SYNC: variants seen among roughly 807,000 people sequenced by gnomAD.
SYNC encodes syncoilin, intermediate filament protein, also known as syncoilin.
A neutral mutation model predicts 49.5 loss-of-function variants in SYNC; 38 were observed. That is an observed-to-expected ratio of 0.77 (90% CI 0.59 to 1.01). The LOEUF (loss-of-function observed/expected upper bound fraction) is 1.01. Ranked by LOEUF, SYNC falls within the 50% of genes least tolerant of loss-of-function variation. The probability of loss-of-function intolerance (pLI) is 0.00; values close to 1 mark genes in which losing one functional copy is unlikely to be tolerated. For synonymous variants in SYNC, 201 were observed against 230.8 expected, an observed-to-expected ratio of 0.87 and a Z score of 1.17; for missense variants, 579 against 580.6, an observed-to-expected ratio of 1.00 and a Z score of 0.03.
rs796837988 is a variant in SYNC at position 32,689,941 on chromosome 1, A to C, written c.1233+4924T>G. 2.0e-3 allele frequency among the ~76,000 whole-genome samples: 15 copies of C among 7,542 alleles called. No individual in the cohort carries two copies. In the Non-Finnish European group the frequency reaches 0.022, roughly 11 times the overall value. The allele number at this position is 7,542 out of a possible 152,430, so 4.9% of individuals were successfully genotyped here. A position where few individuals can be genotyped will look rare whatever the true frequency, so the allele number is the denominator to read the frequency against. ...AGCAACAGAGTGAGACACCGTCACA[A>C]AAAAAAAAAAAAAAAAGTAAGTTGA... is the stretch of plus-strand genomic sequence containing the variant. On this transcript the variant is annotated intron_variant, in intron 2 of 4. Coordinates refer to ENST00000409190, the MANE Select transcript of SYNC (RefSeq NM_030786.3).
chr1:32,702,298 A>G lies in SYNC; in HGVS notation c.53+310T>C, dbSNP rs1650698161. Among the ~76,000 whole-genome samples the G allele has an allele frequency of 1.3e-5, 2 of 152,214 alleles. No individual in the cohort carries two copies. Among genetic ancestry groups the G allele is most frequent in the Non-Finnish European group, 2.9e-5 (2 of 68,046 alleles). On this transcript the variant is annotated intron_variant, in intron 1 of 4. Transcript: ENST00000409190. The surrounding 1 kb of genome is among the most constrained non-coding windows in gnomAD (Gnocchi z 6.2). Reference sequence around the variant, plus strand: ...GCAGGGAGGAATGAAGGCTAGCGAGAAGTGTCTTTGGCTGCTATGGGCCAA... The same window carrying G: ...GCAGGGAGGAATGAAGGCTAGCGAGGAGTGTCTTTGGCTGCTATGGGCCAA...
Position 32,680,489 on chromosome 1 carries a change from A to G in SYNC, c.*1361T>C. 2.6e-6 allele frequency: 4 copies of G among 1,540,698 alleles called. No homozygotes were observed. The highest frequency in any genetic ancestry group is 3.5e-6 in the Non-Finnish European group (4 of 1,143,224). On this transcript the variant is annotated 3_prime_UTR_variant, in exon 5 of 5. Coordinates refer to ENST00000409190, the MANE Select transcript of SYNC (RefSeq NM_030786.3). ...ATAACTTGTATTTGTTTTAAAAATT[A>G]AATTAATCCTTGATAAGAGTTGCTT...
Position 32,695,850 on chromosome 1 carries a change from A to G in SYNC, c.248T>C (p.Leu83Pro). 1.3e-6 allele frequency: 2 copies of G among 1,551,936 alleles called. No homozygotes were observed. Among genetic ancestry groups the G allele is most frequent in the Non-Finnish European group, 1.7e-6 (2 of 1,147,056 alleles). The change falls in exon 2 of 5, where the codon CTG (leucine) becomes CCG (proline). Residue 83 changes from leucine (L) to proline (P), a missense_variant. Coordinates refer to ENST00000409190, the MANE Select transcript of SYNC (RefSeq NM_030786.3). ...VQETEKAEEA[L>P]YIEEAMQPDE... Reference sequence around the variant, plus strand: ...TGGCTGCATGGCCTCCTCAATATACAGGGCCTCCTCTGCCTTCTCAGTCTC... The same window carrying G: ...TGGCTGCATGGCCTCCTCAATATACGGGGCCTCCTCTGCCTTCTCAGTCTC...
intron 1 of SYNC, among the ~76,000 whole-genome samples, chr1:32,696,541 AG>A: frequency 6.6e-6 from 1 of 151,628 alleles, no homozygotes; most frequent in Admixed American, 6.6e-5. Context: ...TCCACCTCCC[AG>A]GTTCAAGTGA....
chr1:32,680,448 T>G lies in SYNC; in HGVS notation c.*1402A>C. Reference sequence around the variant, plus strand: ...TTATACCACAGGTAGACTGTCAAGTTGAGAAGAGTGAATCAATAACTTGTA... The same window carrying G: ...TTATACCACAGGTAGACTGTCAAGTGGAGAAGAGTGAATCAATAACTTGTA... On this transcript the variant is annotated 3_prime_UTR_variant, in exon 5 of 5. Coordinates refer to ENST00000409190, the MANE Select transcript of SYNC (RefSeq NM_030786.3). 1 of 1,519,400 alleles carries G rather than the reference T, an allele frequency of 6.6e-7. No homozygotes were observed. Among genetic ancestry groups the G allele is most frequent in the Non-Finnish European group, 8.8e-7 (1 of 1,132,884 alleles). 94.1% of individuals were successfully genotyped at this position (1,519,400 alleles called of 1,614,324 possible).
At chr1:32,689,680 T>C (rs533338913) in intron 2 of SYNC, among the ~76,000 whole-genome samples, 109 of 151,906 alleles carry the variant, frequency 7.2e-4, no homozygotes, top group Admixed American at 2.8e-3. Flanking sequence ...TGGTGGCTCA[T>C]GCCTGTAATC....
rs1466671356 is a variant in SYNC, at chr1:32,695,545, C to G, written c.553G>C (p.Ala185Pro). 6.4e-7 allele frequency: 1 copy of G among 1,551,394 alleles called. No homozygotes were observed. The highest frequency in any genetic ancestry group is 8.7e-7 in the Non-Finnish European group (1 of 1,146,984). ...CTCTCCTCTTCCAGCTGGGCCACAGCTTGGACACACTGCTGGAAACGCCCC... is the reference window on the plus strand; with the variant it reads ...CTCTCCTCTTCCAGCTGGGCCACAGGTTGGACACACTGCTGGAAACGCCCC... ...LEGRFQQCVQAVAQLEEERDQ... is the reference protein window; with the variant it reads ...LEGRFQQCVQPVAQLEEERDQ... Residue 185 changes from alanine (A) to proline (P), a missense_variant, in exon 2 of 5, where the codon GCT becomes CCT. Physicochemically the swap from Ala to Pro is conservative, Grantham distance 27. Coordinates refer to ENST00000409190, the MANE Select transcript of SYNC (RefSeq NM_030786.3).
At position 32,680,012 on chromosome 1, in the gene SYNC, T is replaced by G; in HGVS notation, c.*1838A>C. 1 of 1,137,322 alleles carries G rather than the reference T, an allele frequency of 8.8e-7. No individual in the cohort carries two copies. The highest frequency in any genetic ancestry group is 1.1e-6 in the Non-Finnish European group (1 of 927,580). The allele number at this position is 1,137,322 out of a possible 1,614,324, so 70.5% of individuals were successfully genotyped here. ...TCTTCTTATGCTATATCCCCAAGTT[T>G]TTCAGACTCATTTAAGTAAAGGCTA... is the stretch of plus-strand genomic sequence containing the variant. On this transcript the variant is annotated 3_prime_UTR_variant, in exon 5 of 5. Coordinates refer to ENST00000409190, the MANE Select transcript of SYNC (RefSeq NM_030786.3).
rs71006360 is a variant in SYNC, at chr1:32,689,235, C to CTTT, written c.1234-4856_1234-4854dup. On this transcript the variant is annotated intron_variant, in intron 2 of 4. Coordinates refer to ENST00000409190, the MANE Select transcript of SYNC (RefSeq NM_030786.3). ...ACAGGCGTGAGGCACCTCGCCTGGC[C>CTTT]TTTTTTTTTTTTTTTTTTTTTTTTT... is the stretch of plus-strand genomic sequence containing the variant. Among the ~76,000 whole-genome samples the CTTT allele has an allele frequency of 1.3e-3, 56 of 41,528 alleles. 15 individuals are homozygous for CTTT. Among genetic ancestry groups the CTTT allele is most frequent in the African/African-American group, 2.5e-3 (37 of 14,680 alleles). The allele number at this position is 41,528 out of a possible 152,430, so 27.2% of individuals were successfully genotyped here. A position where few individuals can be genotyped will look rare whatever the true frequency, so the allele number is the denominator to read the frequency against.
chr1:32,681,963 A>G, intron 4 of SYNC, 103 bp from the exon 5 acceptor site: 1 of 1,052,914 alleles, frequency 9.5e-7, no homozygotes, highest in Non-Finnish European at 1.5e-6. Context: ...ATGGATGATC[A>G]GGGATGACTT....
intron 2 of SYNC, 101 bp from the exon 3 acceptor site, chr1:32,684,483 T>C (rs1649680358): frequency 2.0e-6 from 3 of 1,535,214 alleles, no homozygotes; most frequent in Non-Finnish European, 2.7e-6. Flanking sequence ...TGTTTAATCT[T>C]GATAGCAGTA....
In SYNC at chr1:32,702,682, C is replaced by A. The variant is rs938982413; in HGVS notation, c.-22G>T. 22 of 1,168,620 alleles carry A rather than the reference C, an allele frequency of 1.9e-5. No individual in the cohort carries two copies. In the Admixed American group the frequency reaches 4.2e-4, roughly 22 times the overall value. The allele number at this position is 1,168,620 out of a possible 1,614,324, so 72.4% of individuals were successfully genotyped here. A position where few individuals can be genotyped will look rare whatever the true frequency, so the allele number is the denominator to read the frequency against. On this transcript the variant is annotated 5_prime_UTR_variant, in exon 1 of 5. Transcript: ENST00000409190. The surrounding 1 kb of genome is among the most constrained non-coding windows in gnomAD (Gnocchi z 6.2). ...CCATGGCTGCGCGACCCCGGGCTGG[C>A]GGCCGCGTTATTAATAGCCGGGCCC...
intron 2 of SYNC, among the ~76,000 whole-genome samples, chr1:32,691,806 T>A (rs149612997): frequency 1.3e-5 from 2 of 152,328 alleles, no homozygotes; most frequent in East Asian, 3.9e-4. Context: ...TTAGAAAATT[T>A]GTAATTATTT....
At position 32,687,008 on chromosome 1, in the gene SYNC, G is replaced by T. The variant is rs535262700; in HGVS notation, c.1234-2626C>A. Among the ~76,000 whole-genome samples the T allele has an allele frequency of 3.3e-5, 5 of 152,240 alleles. No homozygotes were observed. In the East Asian group the frequency reaches 7.7e-4, roughly 23 times the overall value. On this transcript the variant is annotated intron_variant, in intron 2 of 4. Transcript: ENST00000409190. Reference sequence around the variant, plus strand: ...TTGCATTCTATGTAAAATTATCTGGGGGAGAAGGTCCACAGCTTTAGAGAA... The same window carrying T: ...TTGCATTCTATGTAAAATTATCTGGTGGAGAAGGTCCACAGCTTTAGAGAA...
chr1:32,684,183 TA>T, intron 3 of SYNC, 74 bp downstream of exon 3: 1 of 1,605,796 alleles, frequency 6.2e-7, no homozygotes, highest in Non-Finnish European at 8.5e-7. Context: ...GATTCTAAGG[TA>T]AAATTTTCCC....
intron 2 of SYNC, among the ~76,000 whole-genome samples, chr1:32,687,264 G>A (rs1297014549): frequency 2.0e-5 from 3 of 152,020 alleles, no homozygotes; most frequent in Non-Finnish European, 2.9e-5. Context: ...GGGAGGCTGA[G>A]GCAGGAGAAT....
chr1:32,697,993 C>T (rs987059559), intron 1 of SYNC, among the ~76,000 whole-genome samples: 48 of 151,898 alleles, frequency 3.2e-4, no homozygotes, highest in African/African-American at 1.0e-3. Context: ...GAGGCCAAGA[C>T]GGGTGGATCA....
intron 2 of SYNC, chr1:32,685,705 C>T (rs1649776598): frequency 6.6e-6 from 1 of 152,202 alleles, no homozygotes; most frequent in African/African-American, 2.4e-5. Context: ...CCTGATTGCT[C>T]AGTCCTCACT....
In SYNC at chr1:32,681,196, A is replaced by G. The variant is rs1649414160; in HGVS notation, c.*654T>C. The G allele has an allele frequency of 6.6e-6, 1 of 152,448 alleles. No individual in the cohort carries two copies. Among genetic ancestry groups the G allele is most frequent in the African/African-American group, 2.4e-5 (1 of 41,470 alleles). 9.4% of individuals were successfully genotyped at this position (152,448 alleles called of 1,614,324 possible). A position where few individuals can be genotyped will look rare whatever the true frequency, so the allele number is the denominator to read the frequency against. ...GACCCAGAACTACTTTCATGAGGTA[A>G]GATCTTTGGGAAAATCTGAATAGCG... On this transcript the variant is annotated 3_prime_UTR_variant, in exon 5 of 5. Transcript: ENST00000409190.
Sources: allele counts gnomAD v4.1 joint callset (sites outside exome capture counted in the v4.1 genomes callset), GRCh38; gene constraint gnomAD v4.1.1; non-coding constraint Gnocchi (gnomAD v3.1); transcripts MANE v1.5; gene names NCBI Gene and HGNC (gene_info 2026-07-23, HGNC 2026-07-21).